Variants in PSD3 observed in about 807,000 individuals in gnomAD.
The protein encoded by PSD3 is pleckstrin and Sec7 domain containing 3.
PSD3 carries 49 observed loss-of-function variants against 105.5 expected under a neutral mutation model. The observed-to-expected ratio is 0.46, with a 90% CI of 0.37 to 0.59. PSD3 has a LOEUF of 0.59. Among genes scored for constraint, PSD3 ranks in the 20% least tolerant of loss-of-function variants. The pLI is 0.00. For missense variants in PSD3, 1,561 were observed against 1,263.8 expected, an observed-to-expected ratio of 1.24 and a Z score of -3.57; for synonymous variants, 557 against 457.8, an observed-to-expected ratio of 1.22 and a Z score of -2.77.
intron 14 of PSD3, among the ~76,000 whole-genome samples, chr8:18,564,460 C>T (rs1053991899): frequency 1.3e-5 from 2 of 152,040 alleles, no homozygotes; most frequent in African/African-American, 2.4e-5. Flanking sequence ...GAAACCCCGT[C>T]TCTACTAAAA....
intron 1 of PSD3, among the ~76,000 whole-genome samples, chr8:19,027,709 T>C (rs1300534208): frequency 6.6e-6 from 1 of 152,204 alleles, no homozygotes; most frequent in Non-Finnish European, 1.5e-5. Flanking sequence ...ATGAGCTCTT[T>C]TGTTTCTGCC....
intron 4 of PSD3, among the ~76,000 whole-genome samples, chr8:18,833,756 A>T (rs1813870103): frequency 6.6e-6 from 1 of 152,214 alleles, no homozygotes; most frequent in Admixed American, 6.5e-5. Flanking sequence ...ATTTTAAAAG[A>T]TCTAGCACAA....
rs544811078 is a variant in PSD3, at chr8:18,765,859, T to G, written c.2083-321A>C. Among the ~76,000 whole-genome samples, 9 of 151,918 alleles carry G rather than the reference T, an allele frequency of 5.9e-5. 1 individual carries two copies. Among genetic ancestry groups the G allele is most frequent in the African/African-American group, 2.2e-4 (9 of 41,430 alleles). ...GGCATGCACCTGTAGTCTCAGCTACTCGGGAGGCTGAGGCAGGAGAATCGC... is the reference window on the plus strand; with the variant it reads ...GGCATGCACCTGTAGTCTCAGCTACGCGGGAGGCTGAGGCAGGAGAATCGC... On this transcript the variant is annotated intron_variant, in intron 8 of 15. Transcript: ENST00000327040.
At chr8:18,574,670 AG>A (rs1802364528) in intron 13 of PSD3, among the ~76,000 whole-genome samples, 1 of 152,198 alleles carries the variant, frequency 6.6e-6, no homozygotes, top group Non-Finnish European at 1.5e-5. Flanking sequence ...GCACTGTGTG[AG>A]GTATTATACA....
intron 1 of PSD3, among the ~76,000 whole-genome samples, chr8:19,001,314 A>C (rs1387460133): frequency 6.6e-6 from 1 of 151,532 alleles, no homozygotes; most frequent in Non-Finnish European, 1.5e-5. Flanking sequence ...AGGCCCGTAG[A>C]CTTTATTTAT....
intron 1 of PSD3, among the ~76,000 whole-genome samples, chr8:19,079,891 C>CTT (rs11462511): frequency 0.057 from 7,813 of 136,476 alleles, 375 homozygotes; most frequent in East Asian, 0.13. Flanking sequence ...AAGAAAATAG[C>CTT]TTTTTTTTTT....
At chr8:18,939,922 C>T (rs1472366824) in intron 1 of PSD3, among the ~76,000 whole-genome samples, 1 of 152,128 alleles carries the variant, frequency 6.6e-6, no homozygotes, top group Admixed American at 6.5e-5. Flanking sequence ...AGAAAACACA[C>T]TGTAAGATAA....
intron 1 of PSD3, among the ~76,000 whole-genome samples, chr8:18,985,040 T>C (rs533898458): frequency 6.6e-6 from 1 of 152,246 alleles, no homozygotes; most frequent in South Asian, 2.1e-4. Context: ...TTCAAGCGAT[T>C]CTCGTGTCTC....
At chr8:18,821,872 C>CCACACA (rs5889830) in intron 4 of PSD3, among the ~76,000 whole-genome samples, 9 of 137,396 alleles carry the variant, frequency 6.6e-5, no homozygotes, top group Admixed American at 2.9e-4. Flanking sequence ...TGCACACACA[C>CCACACA]CACACACACA....
intron 12 of PSD3, among the ~76,000 whole-genome samples, chr8:18,582,071 G>T (rs1238884185): frequency 6.6e-6 from 1 of 152,062 alleles, no homozygotes; most frequent in Non-Finnish European, 1.5e-5. Context: ...CAACAGGAAA[G>T]AAACAAGATT....
At position 18,801,286 on chromosome 8, in the gene PSD3, A is replaced by C; in HGVS notation, c.2007T>G (p.Asp669Glu). 4.4e-6 allele frequency: 7 copies of C among 1,585,824 alleles called. No individual in the cohort carries two copies. The highest frequency in any genetic ancestry group is 6.0e-6 in the Non-Finnish European group (7 of 1,157,318). Residue 669 changes from aspartate to glutamate, a missense_variant, in exon 7 of 16, where the codon GAT becomes GAG. Physicochemically the swap from Asp to Glu is conservative, Grantham distance 45. Transcript: ENST00000327040. ...TCAGATTACCTTGTGAAGCAATGGTATCTGGGTTACAATAAAAATATCTAT... is the reference window on the plus strand; with the variant it reads ...TCAGATTACCTTGTGAAGCAATGGTCTCTGGGTTACAATAAAAATATCTAT... ...FSNRYFYCNP[D>E]TIASQDGVHC... is the part of the protein sequence containing the mutation.
chr8:18,558,204 T>C (rs1368912530), intron 14 of PSD3, among the ~76,000 whole-genome samples: 2 of 152,252 alleles, frequency 1.3e-5, no homozygotes, highest in African/African-American at 2.4e-5. Context: ...AGACAAACTA[T>C]ATCAATAGTT....
intron 4 of PSD3, among the ~76,000 whole-genome samples, chr8:18,856,581 T>C (rs1241308157): frequency 6.6e-6 from 1 of 152,218 alleles, no homozygotes; most frequent in African/African-American, 2.4e-5. Flanking sequence ...ATTCAATACA[T>C]CTTATTTTCT....
intron 1 of PSD3, among the ~76,000 whole-genome samples, chr8:18,952,929 T>C (rs1465641933): frequency 6.6e-6 from 1 of 152,028 alleles, no homozygotes; most frequent in Non-Finnish European, 1.5e-5. Context: ...AAACAAATGA[T>C]AAAAGACAAC....
intron 1 of PSD3, among the ~76,000 whole-genome samples, chr8:18,975,350 A>G (rs1210814630): frequency 6.8e-6 from 1 of 147,858 alleles, no homozygotes; most frequent in East Asian, 2.0e-4. Flanking sequence ...TATGTACCAT[A>G]GGCTTCAGCC....
intron 11 of PSD3, among the ~76,000 whole-genome samples, chr8:18,614,593 A>G (rs1805517590): frequency 6.6e-6 from 1 of 152,102 alleles, no homozygotes; most frequent in Admixed American, 6.5e-5. Context: ...GTGGGTTTTC[A>G]TGGGTTAATT....
chr8:19,058,556 C>T (rs561080266), intron 1 of PSD3, among the ~76,000 whole-genome samples: 1 of 151,316 alleles, frequency 6.6e-6, no homozygotes, highest in Admixed American at 6.6e-5. Flanking sequence ...TACACACACA[C>T]AGACACAAGT....
chr8:18,624,148 G>C (rs1806317959), intron 11 of PSD3, among the ~76,000 whole-genome samples: 1 of 152,074 alleles, frequency 6.6e-6, no homozygotes, highest in African/African-American at 2.4e-5. Flanking sequence ...AATTAACTGA[G>C]ATATAAGAAT....
At chr8:18,909,424 G>A (rs372223649) in intron 2 of PSD3, among the ~76,000 whole-genome samples, 14 of 151,606 alleles carry the variant, frequency 9.2e-5, no homozygotes, top group Admixed American at 4.6e-4. Context: ...TGGATAAAAG[G>A]GTATTTGGTC....
Sources: allele counts gnomAD v4.1 joint callset (sites outside exome capture counted in the v4.1 genomes callset), GRCh38; gene constraint gnomAD v4.1.1; transcripts MANE v1.5; gene names NCBI Gene and HGNC (gene_info 2026-07-23, HGNC 2026-07-21).